SCN9A: variants seen among roughly 807,000 people sequenced by gnomAD.
The protein encoded by SCN9A is sodium voltage-gated channel alpha subunit 9.
Under a neutral mutation model 187.0 loss-of-function variants are expected in SCN9A, and 131 were observed. That is an observed-to-expected ratio of 0.70 (90% confidence interval 0.61 to 0.81). The LOEUF (loss-of-function observed/expected upper bound fraction) is 0.81, where lower values mean the gene tolerates loss of function less well. Among genes scored for constraint, SCN9A ranks in the 30% least tolerant of loss-of-function variants. SCN9A has a pLI of 0.00. For synonymous variants in SCN9A, 809 were observed against 808.6 expected (o/e 1.00, Z -0.01); for missense variants, 2,252 against 2,396.6 (o/e 0.94, Z 1.26).
intron 1 of SCN9A, among the ~76,000 whole-genome samples, chr2:166,349,092 A>T (rs1699971483): frequency 6.6e-6 from 1 of 152,040 alleles, no homozygotes; most frequent in Non-Finnish European, 1.5e-5. Flanking sequence ...ACGCCATTGC[A>T]CTTCAGGATG....
At chr2:166,334,987 T>G (rs1191646781) in intron 1 of SCN9A, among the ~76,000 whole-genome samples, 5 of 152,130 alleles carry the variant, frequency 3.3e-5, no homozygotes, top group Admixed American at 3.3e-4. Context: ...GCTGTTAGTA[T>G]TTGCTGGCTT....
intron 24 of SCN9A, among the ~76,000 whole-genome samples, chr2:166,215,095 A>G (rs1342185826): frequency 1.3e-5 from 2 of 152,196 alleles, no homozygotes; most frequent in Admixed American, 1.3e-4. Flanking sequence ...AATCATATCG[A>G]GTATGTTTTC....
At chr2:166,368,613 A>G (rs1559067904) in intron 1 of SCN9A, among the ~76,000 whole-genome samples, 2 of 151,688 alleles carry the variant, frequency 1.3e-5, no homozygotes, top group African/African-American at 2.4e-5. Flanking sequence ...AGCCTGGGCA[A>G]CAGAGTGAAA....
intron 1 of SCN9A, among the ~76,000 whole-genome samples, chr2:166,351,904 C>G (rs1700042080): frequency 6.6e-6 from 1 of 151,984 alleles, no homozygotes; most frequent in African/African-American, 2.4e-5. Flanking sequence ...CAAAATAATG[C>G]AATGATACTT....
intron 23 of SCN9A, among the ~76,000 whole-genome samples, chr2:166,227,099 C>T (rs754498356): frequency 9.9e-5 from 15 of 151,878 alleles, no homozygotes; most frequent in East Asian, 3.9e-4. Context: ...CTTTTGATTC[C>T]GAATACATCT....
chr2:166,336,206 C>T (rs1699622709), intron 1 of SCN9A, among the ~76,000 whole-genome samples: 1 of 152,056 alleles, frequency 6.6e-6, no homozygotes, highest in Non-Finnish European at 1.5e-5. Flanking sequence ...TAAAGATTCT[C>T]ATTTGTAGAG....
At chr2:166,272,965 G>T in intron 16 of SCN9A, 90 bp from the exon 17 acceptor site, 1 of 588,574 alleles carries the variant, frequency 1.7e-6, no homozygotes, top group Non-Finnish European at 2.7e-6. Flanking sequence ...CCGAATATAG[G>T]CCACAATACA....
intron 18 of SCN9A, among the ~76,000 whole-genome samples, chr2:166,251,386 C>A (rs1444010302): frequency 6.6e-6 from 1 of 152,006 alleles, no homozygotes; most frequent in Non-Finnish European, 1.5e-5. Context: ...TCAACAGTAT[C>A]AAACAGTTTT....
At chr2:166,255,108 A>AAG (rs931619971) in intron 17 of SCN9A, among the ~76,000 whole-genome samples, 17 of 140,606 alleles carry the variant, frequency 1.2e-4, no homozygotes, top group Non-Finnish European at 2.0e-4. Flanking sequence ...GAGAGAGAAA[A>AAG]AGAGAGAGAG....
At chr2:166,285,814 AAG>A (rs1361505850) in intron 11 of SCN9A, among the ~76,000 whole-genome samples, 1 of 152,132 alleles carries the variant, frequency 6.6e-6, no homozygotes, top group Non-Finnish European at 1.5e-5. Context: ...GAGAAAGGGA[AAG>A]AGAACTTCCA....
intron 12 of SCN9A, 98 bp downstream of exon 12, chr2:166,284,355 G>A: frequency 7.2e-7 from 1 of 1,379,422 alleles, no homozygotes; most frequent in Non-Finnish European, 1.0e-6. Context: ...GCAAAATGCA[G>A]AGCCATTCAC....
At chr2:166,301,528 A>G in intron 7 of SCN9A, 1 of 151,004 alleles carries the variant, frequency 6.6e-6, no homozygotes, top group South Asian at 2.1e-4. Flanking sequence ...AGCAATAAAT[A>G]CTATTTCATT....
intron 1 of SCN9A, among the ~76,000 whole-genome samples, chr2:166,356,248 G>A (rs1157949319): frequency 6.6e-6 from 1 of 151,456 alleles, no homozygotes. Context: ...TTTGTATAAC[G>A]AAGTTTCTTT....
intron 2 of SCN9A, among the ~76,000 whole-genome samples, chr2:166,307,931 C>G (rs538235148): frequency 3.3e-5 from 5 of 152,320 alleles, no homozygotes; most frequent in Non-Finnish European, 7.3e-5. Context: ...CTGAAAGACA[C>G]TGACTTTCTA....
chr2:166,222,142 G>GA (rs1263136610), intron 24 of SCN9A, among the ~76,000 whole-genome samples: 3 of 151,882 alleles, frequency 2.0e-5, no homozygotes, highest in East Asian at 1.9e-4. Context: ...AAAGCTTTGG[G>GA]AAAAAAAGGA....
chr2:166,252,380 G>T (rs1696085079), intron 17 of SCN9A, among the ~76,000 whole-genome samples: 1 of 151,870 alleles, frequency 6.6e-6, no homozygotes, highest in South Asian at 2.1e-4. Flanking sequence ...AAAGATAAGT[G>T]CAAGATAAAG....
chr2:166,366,003 T>C (rs919205599), intron 1 of SCN9A, among the ~76,000 whole-genome samples: 2 of 151,924 alleles, frequency 1.3e-5, no homozygotes, highest in South Asian at 2.1e-4. Context: ...CTGAGAGGAG[T>C]GAGGTTGTGA....
At chr2:166,375,392 C>T (rs1285760233) in intron 1 of SCN9A, among the ~76,000 whole-genome samples, 1 of 152,154 alleles carries the variant, frequency 6.6e-6, no homozygotes, top group Non-Finnish European at 1.5e-5. Flanking sequence ...GACAGTAAAC[C>T]ACCAGGCATT....
chr2:166,303,880 T>C, intron 6 of SCN9A: 1 of 772,114 alleles, frequency 1.3e-6, no homozygotes, highest in East Asian at 2.7e-5. Flanking sequence ...TAAAGACCCA[T>C]GCAATTGATT....
Sources: allele counts gnomAD v4.1 joint callset (sites outside exome capture counted in the v4.1 genomes callset), GRCh38; gene constraint gnomAD v4.1.1; transcripts MANE v1.5; gene names NCBI Gene and HGNC (gene_info 2026-07-23, HGNC 2026-07-21).